Variants in LHFPL3 observed in about 807,000 individuals in gnomAD.
LHFPL3 encodes the protein LHFPL tetraspan subfamily member 3, also known as LHFPL tetraspan subfamily member 3 protein.
LHFPL3 carries 5 observed loss-of-function variants against 19.3 expected under a neutral mutation model. The observed-to-expected ratio is 0.26, with a 90% CI of 0.14 to 0.54. The LOEUF is 0.54. LHFPL3 is among the 20% of genes least tolerant of loss of function. The probability of loss-of-function intolerance (pLI) is 0.94; values close to 1 mark genes in which losing one functional copy is unlikely to be tolerated. For missense variants in LHFPL3, 249 were observed against 307.4 expected, an observed-to-expected ratio of 0.81 and a Z score of 1.42; for synonymous variants, 133 against 126.2, an observed-to-expected ratio of 1.05 and a Z score of -0.36.
chr7:104,500,890 C>T (rs1419757480), intron 1 of LHFPL3, among the ~76,000 whole-genome samples: 1 of 152,236 alleles, frequency 6.6e-6, no homozygotes, highest in Non-Finnish European at 1.5e-5. Context: ...CAAATGCCTT[C>T]TCATCCTTCA....
chr7:104,785,376 G>C (rs1013925921), intron 2 of LHFPL3: 1 of 152,086 alleles, frequency 6.6e-6, no homozygotes, highest in Non-Finnish European at 1.5e-5. Flanking sequence ...ATAGAGCCTA[G>C]AGCTTAGTAG....
At chr7:104,332,421 A>G (rs912986266) in intron 1 of LHFPL3, among the ~76,000 whole-genome samples, 14 of 151,342 alleles carry the variant, frequency 9.3e-5, no homozygotes, top group African/African-American at 3.4e-4. Flanking sequence ...AATAGAGACA[A>G]GGTTTCACCA....
At chr7:104,729,896 T>TC (rs1793664265) in intron 1 of LHFPL3, among the ~76,000 whole-genome samples, 1 of 139,574 alleles carries the variant, frequency 7.2e-6, no homozygotes, top group South Asian at 2.6e-4. Flanking sequence ...CCCTCCCCAC[T>TC]CCCCCCACCC....
intron 1 of LHFPL3, among the ~76,000 whole-genome samples, chr7:104,343,981 A>T (rs1027948540): frequency 1.3e-4 from 20 of 152,198 alleles, no homozygotes; most frequent in African/African-American, 4.6e-4. Flanking sequence ...ATTTAGAATG[A>T]CATATACTAT....
intron 1 of LHFPL3, among the ~76,000 whole-genome samples, chr7:104,430,419 CATAT>C (rs1457442187): frequency 0.022 from 326 of 14,560 alleles, 8 homozygotes; most frequent in East Asian, 0.061. Flanking sequence ...TATATATATA[CATAT>C]ATATATATAT....
intron 2 of LHFPL3, among the ~76,000 whole-genome samples, chr7:104,756,263 A>T (rs1438732493): frequency 6.6e-6 from 1 of 152,116 alleles, no homozygotes; most frequent in African/African-American, 2.4e-5. Flanking sequence ...AACTAGACAC[A>T]CCTTGCACTG....
chr7:104,870,303 A>G (rs1791808215), intron 2 of LHFPL3, among the ~76,000 whole-genome samples: 1 of 152,196 alleles, frequency 6.6e-6, no homozygotes, highest in Non-Finnish European at 1.5e-5. Context: ...AACACATAGC[A>G]ATGGCTAACC....
chr7:104,538,837 TTA>T (rs146833147), intron 1 of LHFPL3, among the ~76,000 whole-genome samples: 22,866 of 152,132 alleles, frequency 0.15, 1,905 homozygotes, highest in Admixed American at 0.19. Context: ...AGCGAGGACC[TTA>T]AGATGAGGAA....
chr7:104,739,568 C>T (rs760431531), intron 2 of LHFPL3, among the ~76,000 whole-genome samples: 1 of 152,100 alleles, frequency 6.6e-6, no homozygotes, highest in African/African-American at 2.4e-5. Flanking sequence ...TATAACTTTT[C>T]ACCTATTAAG....
In LHFPL3 at chr7:104,869,457, A is replaced by C. The variant is rs938532429; in HGVS notation, c.683-36730A>C. Among the ~76,000 whole-genome samples the C allele has an allele frequency of 1.7e-3, 263 of 152,362 alleles. 2 individuals are homozygous for C. Among genetic ancestry groups the C allele is most frequent in the African/African-American group, 6.1e-3 (253 of 41,586 alleles). Reference sequence around the variant, plus strand: ...ATATGAACAGACACTTCTCAAAAGAAGACATTTATGCAGCCAAAAGACACA... The same window carrying C: ...ATATGAACAGACACTTCTCAAAAGACGACATTTATGCAGCCAAAAGACACA... On this transcript the variant is annotated intron_variant, in intron 2 of 2. Transcript: ENST00000424859.
chr7:104,492,468 A>T (rs537918259), intron 1 of LHFPL3, among the ~76,000 whole-genome samples: 9 of 152,334 alleles, frequency 5.9e-5, no homozygotes, highest in Admixed American at 2.6e-4. Flanking sequence ...TTGCATTCAC[A>T]AAGAAAATGG....
intron 2 of LHFPL3, among the ~76,000 whole-genome samples, chr7:104,848,039 ACTT>A (rs1209008986): frequency 6.6e-6 from 1 of 152,202 alleles, no homozygotes; most frequent in African/African-American, 2.4e-5. Context: ...TTTCTTGTGT[ACTT>A]CTTATGTTCT....
intron 1 of LHFPL3, among the ~76,000 whole-genome samples, chr7:104,420,805 G>A (rs1211361320): frequency 6.6e-6 from 1 of 151,966 alleles, no homozygotes; most frequent in African/African-American, 2.4e-5. Context: ...CTCGTGATCC[G>A]CCCATCTCGG....
chr7:104,562,190 T>C (rs1446134009), intron 1 of LHFPL3, among the ~76,000 whole-genome samples: 1 of 151,916 alleles, frequency 6.6e-6, no homozygotes, highest in East Asian at 1.9e-4. Context: ...GGAGTGTCTT[T>C]GTGGCGTTCT....
At chr7:104,724,148 G>A (rs1379193373) in intron 1 of LHFPL3, among the ~76,000 whole-genome samples, 2 of 152,128 alleles carry the variant, frequency 1.3e-5, no homozygotes, top group Non-Finnish European at 2.9e-5. Flanking sequence ...TATACAAATC[G>A]TGCAGGTTAA....
intron 2 of LHFPL3, among the ~76,000 whole-genome samples, chr7:104,886,594 A>T (rs1248072394): frequency 6.6e-6 from 1 of 152,102 alleles, no homozygotes; most frequent in South Asian, 2.1e-4. Context: ...CGAACTCCTG[A>T]CCTCAGGTGA....
chr7:104,508,881 A>G (rs1793755553), intron 1 of LHFPL3, among the ~76,000 whole-genome samples: 1 of 152,180 alleles, frequency 6.6e-6, no homozygotes, highest in South Asian at 2.1e-4. Flanking sequence ...TGACAAAAGT[A>G]GAGAGGAGAA....
At chr7:104,431,438 T>A (rs568382864) in intron 1 of LHFPL3, among the ~76,000 whole-genome samples, 1 of 152,340 alleles carries the variant, frequency 6.6e-6, no homozygotes, top group South Asian at 2.1e-4. Context: ...AACTGAATTG[T>A]TTTGAGTCAT....
At chr7:104,594,351 G>C (rs1247497323) in intron 1 of LHFPL3, among the ~76,000 whole-genome samples, 1 of 152,196 alleles carries the variant, frequency 6.6e-6, no homozygotes, top group Non-Finnish European at 1.5e-5. Context: ...CTTTAAGAAT[G>C]TTGACTATTG....
Sources: gnomAD v4.1 joint callset for allele counts (sites outside exome capture counted in the v4.1 genomes callset) on GRCh38, gnomAD v4.1.1 for gene constraint, MANE v1.5 for transcripts, NCBI Gene and HGNC (gene_info 2026-07-23, HGNC 2026-07-21) for gene names.